GALNT13: variants seen among roughly 807,000 people sequenced by gnomAD.
GALNT13 encodes UDP-GalNAc:polypeptide N-acetylgalactosaminyltransferase 13.
In GALNT13, 28 loss-of-function variants were observed where a neutral mutation model predicts 64.2. The observed-to-expected ratio is 0.44, with a 90% confidence interval of 0.32 to 0.60. The LOEUF (loss-of-function observed/expected upper bound fraction) is 0.60. Among genes scored for constraint, GALNT13 ranks in the 20% least tolerant of loss-of-function variants. The pLI, the probability that GALNT13 is intolerant of heterozygous loss-of-function variation, is 0.05. For synonymous variants in GALNT13, 214 were observed against 224.6 expected (o/e 0.95, Z 0.42); for missense variants, 577 against 669.8 (o/e 0.86, Z 1.53).
intron 3 of GALNT13, among the ~76,000 whole-genome samples, chr2:154,076,698 T>A (rs930661060): frequency 6.6e-6 from 1 of 151,714 alleles, no homozygotes; most frequent in African/African-American, 2.4e-5. Flanking sequence ...TTAACTAGTT[T>A]TAACCTGGGA....
chr2:153,524,585 T>C, the GALNT13 span, among the ~76,000 whole-genome samples: 2 of 152,134 alleles, frequency 1.3e-5, no homozygotes, highest in Non-Finnish European at 2.9e-5. Context: ...GGAGCATTTC[T>C]GTGTGCTGGG....
At chr2:153,569,808 C>T in the GALNT13 span, among the ~76,000 whole-genome samples, 1 of 151,990 alleles carries the variant, frequency 6.6e-6, no homozygotes, top group African/African-American at 2.4e-5. Flanking sequence ...GTTTTTGCCC[C>T]TATTAACCTT....
chr2:153,380,365 C>G, the GALNT13 span, among the ~76,000 whole-genome samples: 2 of 151,944 alleles, frequency 1.3e-5, no homozygotes, highest in African/African-American at 4.8e-5. Context: ...TCCCACTGTT[C>G]AGGAGGTTGA....
chr2:153,243,736 G>C, the GALNT13 span, among the ~76,000 whole-genome samples: 1 of 152,220 alleles, frequency 6.6e-6, no homozygotes, highest in East Asian at 1.9e-4. Flanking sequence ...ATGTTCTGTG[G>C]GTATGAGCAA....
intron 4 of GALNT13, among the ~76,000 whole-genome samples, chr2:154,179,313 A>G (rs1685828903): frequency 6.6e-6 from 1 of 152,178 alleles, no homozygotes; most frequent in African/African-American, 2.4e-5. Flanking sequence ...AATACTCAAT[A>G]AGTATTCCGT....
chr2:153,310,873 T>G, the GALNT13 span, among the ~76,000 whole-genome samples: 2 of 152,216 alleles, frequency 1.3e-5, no homozygotes. Flanking sequence ...GCTACATCTC[T>G]GTGGCAGCTC....
At chr2:153,787,358 T>C in the GALNT13 span, among the ~76,000 whole-genome samples, 1 of 152,142 alleles carries the variant, frequency 6.6e-6, no homozygotes, top group African/African-American at 2.4e-5. Flanking sequence ...CATAACCCCC[T>C]GTGAAACCAA....
intron 3 of GALNT13, among the ~76,000 whole-genome samples, chr2:154,051,868 C>T (rs553620693): frequency 8.0e-4 from 122 of 152,122 alleles, no homozygotes; most frequent in Admixed American, 2.2e-3. Flanking sequence ...AGTGTATTGT[C>T]TTATCCTAAC....
chr2:153,171,071 C>T, the GALNT13 span, among the ~76,000 whole-genome samples: 3 of 152,168 alleles, frequency 2.0e-5, no homozygotes, highest in East Asian at 1.9e-4. Flanking sequence ...TGATTCAATT[C>T]GGTTACCCCA....
intron 9 of GALNT13, among the ~76,000 whole-genome samples, chr2:154,388,825 T>A (rs1698640290): frequency 6.6e-6 from 1 of 152,108 alleles, no homozygotes; most frequent in African/African-American, 2.4e-5. Flanking sequence ...CACAAAAAAA[T>A]TATTAGCTTA....
chr2:154,231,834 A>G (rs1573922942), intron 4 of GALNT13, among the ~76,000 whole-genome samples: 1 of 150,270 alleles, frequency 6.7e-6, no homozygotes, highest in East Asian at 2.0e-4. Flanking sequence ...GTTTGGTTTT[A>G]TTTTTGTATA....
chr2:154,052,651 A>G (rs915313592), intron 3 of GALNT13, among the ~76,000 whole-genome samples: 5 of 151,952 alleles, frequency 3.3e-5, no homozygotes, highest in Admixed American at 2.6e-4. Flanking sequence ...GGTGTCCAAT[A>G]CATGTTGGTG....
chr2:153,880,835 C>G (rs939327712), intron 1 of GALNT13, among the ~76,000 whole-genome samples: 3 of 136,178 alleles, frequency 2.2e-5, no homozygotes, highest in African/African-American at 8.9e-5. Flanking sequence ...ATATCTTGTT[C>G]TTTGTTCTTC....
chr2:154,069,477 T>C (rs1700635765), intron 3 of GALNT13, among the ~76,000 whole-genome samples: 2 of 151,980 alleles, frequency 1.3e-5, no homozygotes, highest in South Asian at 4.1e-4. Context: ...AAAATACTGC[T>C]TAGAGAATTT....
chr2:154,225,708 C>A (rs561538932), intron 4 of GALNT13, among the ~76,000 whole-genome samples: 2 of 152,142 alleles, frequency 1.3e-5, no homozygotes, highest in East Asian at 1.9e-4. Flanking sequence ...GATATGGAAG[C>A]CTTCAGGATA....
chr2:153,866,164 G>A, the GALNT13 span, among the ~76,000 whole-genome samples: 109 of 115,620 alleles, frequency 9.4e-4, 1 homozygote, highest in Middle Eastern at 4.0e-3. Context: ...ACTGTTGTGG[G>A]GTGGGGGGAG....
At chr2:153,665,801 T>C in the GALNT13 span, among the ~76,000 whole-genome samples, 131,161 of 151,902 alleles carry the variant, frequency 0.86, 56,788 homozygotes, top group East Asian at 0.92. Flanking sequence ...CCGCAGGAGA[T>C]CCCACAACCT....
chr2:153,709,138 A>G, the GALNT13 span, among the ~76,000 whole-genome samples: 1 of 152,092 alleles, frequency 6.6e-6, no homozygotes, highest in Non-Finnish European at 1.5e-5. Flanking sequence ...AAAATGGATT[A>G]CATAAAACTA....
chr2:153,371,071 G>C, the GALNT13 span: 1 of 203,200 alleles, frequency 4.9e-6, no homozygotes. Context: ...TATTAAAACT[G>C]AGTCCAGCTG....
Sources: gnomAD v4.1 joint callset for allele counts (sites outside exome capture counted in the v4.1 genomes callset) on GRCh38, gnomAD v4.1.1 for gene constraint, MANE v1.5 for transcripts, NCBI Gene and HGNC (gene_info 2026-07-23, HGNC 2026-07-21) for gene names.